Variants in FMN1 observed in about 807,000 individuals in gnomAD.
The protein encoded by FMN1 is formin-1.
A neutral mutation model predicts 132.4 loss-of-function variants in FMN1; 110 were observed. That is an observed-to-expected ratio of 0.83 (90% confidence interval 0.71 to 0.97). FMN1 has a LOEUF of 0.97. Among genes scored for constraint, FMN1 ranks in the 50% least tolerant of loss-of-function variants. The pLI, the probability that FMN1 is intolerant of heterozygous loss-of-function variation, is 0.00. For missense variants in FMN1, 1,792 were observed against 1,705.3 expected, an observed-to-expected ratio of 1.05 and a Z score of -0.90; for synonymous variants, 722 against 651.7, an observed-to-expected ratio of 1.11 and a Z score of -1.64.
chr15:33,152,499 A>G (rs1420394536), intron 4 of FMN1, among the ~76,000 whole-genome samples: 8 of 152,224 alleles, frequency 5.3e-5, no homozygotes, highest in Admixed American at 1.3e-4. Flanking sequence ...CTGTTAAAAC[A>G]CAAAAGTTTT....
chr15:33,047,938 G>T (rs771884103), intron 6 of FMN1, among the ~76,000 whole-genome samples: 1 of 152,048 alleles, frequency 6.6e-6, no homozygotes, highest in Non-Finnish European at 1.5e-5. Context: ...TCTTCTGTCT[G>T]AGTAGTTATA....
At chr15:32,814,768 G>A (rs2057999581) in intron 17 of FMN1, among the ~76,000 whole-genome samples, 1 of 152,100 alleles carries the variant, frequency 6.6e-6, no homozygotes, top group African/African-American at 2.4e-5. Flanking sequence ...ATGGACTACG[G>A]CCTTTTTCTT....
At chr15:32,779,116 G>C (rs1249057044) in intron 19 of FMN1, among the ~76,000 whole-genome samples, 1 of 152,128 alleles carries the variant, frequency 6.6e-6, no homozygotes, top group African/African-American at 2.4e-5. Flanking sequence ...AATCCATACA[G>C]AAAGTAGGTT....
At chr15:32,782,987 C>G (rs1437157405) in intron 19 of FMN1, among the ~76,000 whole-genome samples, 1 of 20,828 alleles carries the variant, frequency 4.8e-5, no homozygotes, top group East Asian at 1.4e-3. Flanking sequence ...ATAACAGACG[C>G]TGGGGGTGGG....
intron 9 of FMN1, among the ~76,000 whole-genome samples, chr15:32,947,393 G>A (rs2061533077): frequency 1.3e-5 from 2 of 152,002 alleles, no homozygotes; most frequent in South Asian, 4.1e-4. Context: ...TTTTTCCTGT[G>A]ACAATTACTG....
At chr15:33,089,055 C>A in intron 4 of FMN1, 81 bp from the exon 5 acceptor site, 1 of 1,168,106 alleles carries the variant, frequency 8.6e-7, no homozygotes, top group Non-Finnish European at 1.2e-6. Context: ...GGAACTCCTA[C>A]ATAGACTTCT....
At chr15:33,011,011 G>A (rs1406031373) in intron 6 of FMN1, among the ~76,000 whole-genome samples, 2 of 120,852 alleles carry the variant, frequency 1.7e-5, no homozygotes, top group South Asian at 2.7e-4. Flanking sequence ...TTCAAAATTT[G>A]AGTTTTGTTT....
chr15:33,065,134 A>C, intron 5 of FMN1, 60 bp from the exon 6 acceptor site: 1 of 1,137,432 alleles, frequency 8.8e-7, no homozygotes, highest in Non-Finnish European at 1.3e-6. Context: ...AATTCCTGAA[A>C]AATGACATGC....
chr15:32,987,631 T>C (rs1007312605), intron 7 of FMN1, among the ~76,000 whole-genome samples: 6 of 152,148 alleles, frequency 3.9e-5, no homozygotes, highest in Non-Finnish European at 7.4e-5. Context: ...GAAATTTACT[T>C]TGATAAAATA....
At chr15:33,124,321 C>G (rs1406368680) in intron 4 of FMN1, among the ~76,000 whole-genome samples, 2 of 152,188 alleles carry the variant, frequency 1.3e-5, no homozygotes, top group African/African-American at 4.8e-5. Context: ...GGGGTCTGGT[C>G]AGCGTCTTGC....
intron 7 of FMN1, among the ~76,000 whole-genome samples, chr15:32,994,310 T>C (rs1479266333): frequency 6.6e-6 from 1 of 152,022 alleles, no homozygotes; most frequent in Non-Finnish European, 1.5e-5. Flanking sequence ...TTCTGGGTTG[T>C]AGTATAAAAA....
chr15:33,048,644 A>AAAACAAAAAC lies in FMN1; in HGVS notation c.2161+16312_2161+16313insGTTTTTGTTT, dbSNP rs1555388956. On this transcript the variant is annotated intron_variant, in intron 6 of 20. Coordinates refer to ENST00000616417, the MANE Select transcript of FMN1 (RefSeq NM_001277313.2). ...TGGGCAATTTACCAAAAAAAAAAAA[A>AAAACAAAAAC]AAAAACCAACAGTTTAATGGACTTA... 9.2e-5 allele frequency among the ~76,000 whole-genome samples: 8 copies of AAAACAAAAAC among 86,920 alleles called. 3 individuals carry two copies. The highest frequency in any genetic ancestry group is 1.7e-4 in the Non-Finnish European group (7 of 42,100). The allele number at this position is 86,920 out of a possible 152,430, so 57.0% of individuals were successfully genotyped here.
chr15:33,103,100 C>T (rs796953568), intron 4 of FMN1, among the ~76,000 whole-genome samples: 6 of 152,242 alleles, frequency 3.9e-5, no homozygotes, highest in African/African-American at 1.4e-4. Context: ...ATAATAATAT[C>T]TGTTGAATAC....
chr15:33,097,547 A>G (rs1361399227), intron 4 of FMN1, among the ~76,000 whole-genome samples: 1 of 152,192 alleles, frequency 6.6e-6, no homozygotes, highest in Non-Finnish European at 1.5e-5. Flanking sequence ...AAACTAAAGA[A>G]TCACTAGACT....
chr15:33,090,238 A>T (rs1361885734), intron 4 of FMN1, among the ~76,000 whole-genome samples: 1 of 152,190 alleles, frequency 6.6e-6, no homozygotes, highest in Non-Finnish European at 1.5e-5. Flanking sequence ...TCCCTGTAAG[A>T]GTCTATTTGG....
intron 7 of FMN1, among the ~76,000 whole-genome samples, chr15:33,003,313 C>A (rs528196706): frequency 6.6e-6 from 1 of 152,184 alleles, no homozygotes; most frequent in African/African-American, 2.4e-5. Context: ...ATTGTCTCAG[C>A]CCAAAATCTC....
chr15:32,874,049 T>C (rs947797524), intron 16 of FMN1, among the ~76,000 whole-genome samples: 12 of 143,876 alleles, frequency 8.3e-5, no homozygotes, highest in African/African-American at 2.1e-4. Context: ...TACAGAGTCT[T>C]GCACTGTCAG....
chr15:33,159,690 AACTTT>A (rs1164598827), intron 3 of FMN1, among the ~76,000 whole-genome samples: 1 of 152,252 alleles, frequency 6.6e-6, no homozygotes, highest in African/African-American at 2.4e-5. Flanking sequence ...TAAAGCAGCT[AACTTT>A]CTCAACTTTG....
chr15:32,875,153 C>T (rs1371595164), intron 16 of FMN1, among the ~76,000 whole-genome samples: 1 of 152,156 alleles, frequency 6.6e-6, no homozygotes, highest in Non-Finnish European at 1.5e-5. Context: ...GTGTCTTAGC[C>T]CTCAGCCTGC....
Sources: allele counts gnomAD v4.1 joint callset (sites outside exome capture counted in the v4.1 genomes callset), GRCh38; gene constraint gnomAD v4.1.1; transcripts MANE v1.5; gene names NCBI Gene and HGNC (gene_info 2026-07-23, HGNC 2026-07-21).